PDCD11: variants seen among roughly 807,000 people sequenced by gnomAD.
PDCD11 encodes the protein protein RRP5 homolog.
PDCD11 carries 97 observed loss-of-function variants against 198.9 expected under a neutral mutation model. The observed-to-expected ratio is 0.49, with a 90% CI of 0.41 to 0.58. PDCD11 has a LOEUF of 0.58. PDCD11 is among the 20% of genes least tolerant of loss of function. The pLI is 0.00. For synonymous variants in PDCD11, 893 were observed against 918.0 expected, an observed-to-expected ratio of 0.97 and a Z score of 0.49; for missense variants, 2,102 against 2,312.7, an observed-to-expected ratio of 0.91 and a Z score of 1.87.
At chr10:103,434,648 G>GTGAT (rs2032074449) in intron 24 of PDCD11, 150 bp from the exon 25 acceptor site, 2 of 631,970 alleles carry the variant, frequency 3.2e-6, no homozygotes, top group Non-Finnish European at 5.4e-6. Context: ...ACATGGCAGG[G>GTGAT]TGATCTCAGT....
In PDCD11 at chr10:103,425,457, T is replaced by C. The variant is rs1316329692; in HGVS notation, c.3237T>C (p.Thr1079=). 1.2e-6 allele frequency: 2 copies of C among 1,613,898 alleles called. No individual in the cohort carries two copies. The highest frequency in any genetic ancestry group is 1.1e-5 in the South Asian group (1 of 91,074). Residue 1079 remains threonine (T), a synonymous_variant, in exon 20 of 36, where the codon ACT becomes ACC. Transcript: ENST00000369797. The part of the protein sequence containing the change: ...LDDVPEGTSP[T]TKLKVGKTVT... ...ATGTTCCAGAGGGCACCTCTCCTAC[T>C]ACCAAGCTGAAGGTTGGGAAGACGG...
At chr10:103,404,420 T>A (rs1246314120) in intron 4 of PDCD11, among the ~76,000 whole-genome samples, 1 of 152,044 alleles carries the variant, frequency 6.6e-6, no homozygotes, top group Non-Finnish European at 1.5e-5. Flanking sequence ...TGCCTCAGCC[T>A]CCTGAGTAGC....
At chr10:103,424,009 A>G (rs960969026) in intron 19 of PDCD11, among the ~76,000 whole-genome samples, 10 of 152,188 alleles carry the variant, frequency 6.6e-5, no homozygotes, top group African/African-American at 1.7e-4. Flanking sequence ...GTCCCGCCCA[A>G]TTGTTGCCGG....
chr10:103,439,759 G>A lies in PDCD11; in HGVS notation c.4039G>A (p.Val1347Ile). The change falls in exon 28 of 36, where the codon GTT (valine) becomes ATT (isoleucine). Residue 1347 changes from valine (V) to isoleucine (I), a missense_variant. By Grantham distance (29) the Val-to-Ile change is conservative (BLOSUM62 3). Transcript: ENST00000369797. Reference sequence around the variant, plus strand: ...CTCTCCTTTCAGCCTTGGCCCCTCCGTTGTGGGTTTGGCTCGGTACTCCCA... The same window carrying A: ...CTCTCCTTTCAGCCTTGGCCCCTCCATTGTGGGTTTGGCTCGGTACTCCCA... ...HGVFFRLGPS[V>I]VGLARYSHVS... 5.0e-6 allele frequency: 8 copies of A among 1,614,080 alleles called. No individual in the cohort carries two copies. Among genetic ancestry groups the A allele is most frequent in the South Asian group, 1.1e-5 (1 of 91,066 alleles).
At chr10:103,405,286 C>T in intron 5 of PDCD11, 103 bp downstream of exon 5, 1 of 1,119,830 alleles carries the variant, frequency 8.9e-7, no homozygotes, top group Non-Finnish European at 1.3e-6. Flanking sequence ...AATTGTGACA[C>T]ATAGGAGTGG....
chr10:103,432,008 G>T, intron 21 of PDCD11, 121 bp from the exon 22 acceptor site: 1 of 710,472 alleles, frequency 1.4e-6, no homozygotes. Flanking sequence ...CGGCCTTGGA[G>T]GGTGAGTATG....
At chr10:103,414,439 A>T (rs1483417528) in intron 11 of PDCD11, 109 bp downstream of exon 11, 14 of 727,036 alleles carry the variant, frequency 1.9e-5, no homozygotes, top group Admixed American at 1.6e-4. Flanking sequence ...ATTGAATGTC[A>T]TGTTCCTTGC....
At chr10:103,409,644 C>T in intron 7 of PDCD11, 55 bp from the exon 8 acceptor site, 1 of 1,228,028 alleles carries the variant, frequency 8.1e-7, no homozygotes, top group South Asian at 1.2e-5. Flanking sequence ...CAATGTCTCA[C>T]ATTCCTGGTT....
At chr10:103,445,176 CA>C (rs1451633310) in intron 35 of PDCD11, among the ~76,000 whole-genome samples, 1 of 152,164 alleles carries the variant, frequency 6.6e-6, no homozygotes, top group Admixed American at 6.5e-5. Context: ...TCCATCTGCT[CA>C]TCTGGAAGAT....
rs375024168 is a variant in PDCD11 at position 103,440,279 on chromosome 10, C to T, written c.4149-11C>T. ...ATGATGTCTTTACCTCCCCATCTTGCTCTGTCATAGCCTTAACCACCAGAA... is the reference window on the plus strand; with the variant it reads ...ATGATGTCTTTACCTCCCCATCTTGTTCTGTCATAGCCTTAACCACCAGAA... On this transcript the variant is annotated splice_polypyrimidine_tract_variant and intron_variant, in intron 28 of 35. Transcript: ENST00000369797. The T allele has an allele frequency of 1.5e-5, 24 of 1,600,962 alleles. No homozygotes were observed. The African/African-American group carries it at 3.0e-4, about 20-fold the overall frequency.
At chr10:103,398,576 A>C (rs777799533) in intron 2 of PDCD11, 48 bp downstream of exon 2, 29 of 1,214,880 alleles carry the variant, frequency 2.4e-5, no homozygotes, top group Non-Finnish European at 3.4e-5. Flanking sequence ...CTTTTACTGT[A>C]GTGTCTTGTG....
intron 25 of PDCD11, among the ~76,000 whole-genome samples, chr10:103,437,405 A>T (rs112285991): frequency 6.6e-6 from 1 of 152,236 alleles, no homozygotes; most frequent in African/African-American, 2.4e-5. Context: ...CGGCCTCCCA[A>T]AGTGTTGAGA....
At chr10:103,400,846 C>T (rs2029997544) in intron 3 of PDCD11, among the ~76,000 whole-genome samples, 1 of 152,128 alleles carries the variant, frequency 6.6e-6, no homozygotes. Flanking sequence ...AACTCCTGGG[C>T]TCAAGCAATC....
chr10:103,442,353 C>G lies in PDCD11; in HGVS notation c.4848C>G (p.Pro1616=). The G allele has an allele frequency of 6.2e-7, 1 of 1,614,236 alleles. No homozygotes were observed. Among genetic ancestry groups the G allele is most frequent in the Non-Finnish European group, 8.5e-7 (1 of 1,180,042 alleles). Residue 1616 remains proline (P), a synonymous_variant, in exon 32 of 36, where the codon CCC becomes CCG. Transcript: ENST00000369797. ...TTGACCGACTGGTGCTGAGCTCCCC[C>G]AACAGCTCCATTCTGTGGCTGCAGT... ...DDFDRLVLSS[P]NSSILWLQYM...
At chr10:103,440,630 C>T (rs1592142122) in intron 29 of PDCD11, 49 bp downstream of exon 29, 3 of 1,609,430 alleles carry the variant, frequency 1.9e-6, no homozygotes. Context: ...CCTGGAGGGA[C>T]AGCCATGAGG....
Position 103,421,500 on chromosome 10 carries a change from C to T in PDCD11, c.2430C>T (p.Thr810=). 3.8e-6 allele frequency: 6 copies of T among 1,591,804 alleles called. No homozygotes were observed. The highest frequency in any genetic ancestry group is 5.1e-6 in the Non-Finnish European group (6 of 1,168,812). ...GTGGTCTGGGGGACTTGGCTATCAC[C>T]AGCCTCCTCCTCCTGAATCAGTGCC... ...SDCGLGDLAI[T]SLLLLNQCLE... Residue 810 remains threonine, a synonymous_variant, in exon 17 of 36, where the codon ACC becomes ACT. Transcript: ENST00000369797.
At chr10:103,398,204 A>G (rs907079738) in intron 1 of PDCD11, among the ~76,000 whole-genome samples, 1 of 152,208 alleles carries the variant, frequency 6.6e-6, no homozygotes, top group Non-Finnish European at 1.5e-5. Context: ...TTTTTCTGGA[A>G]GAAGGTGGGT....
rs779218705 is a variant in PDCD11 at position 103,406,679 on chromosome 10, TAGTC to T, written c.760_763del (p.Ser254CysfsTer37). 3 of 1,614,172 alleles carry T rather than the reference TAGTC, an allele frequency of 1.9e-6. No individual in the cohort carries two copies. The highest frequency in any genetic ancestry group is 1.7e-5 in the Admixed American group (1 of 60,024). ...AGGTGAAAGGCAACGGAGGAGTTGT[TAGTC>T]TGTCTGTTGGTCACTCAGAGGTTTC... On this transcript the variant is annotated frameshift_variant, in exon 7 of 36. Transcript: ENST00000369797. LOFTEE classifies it high-confidence loss of function.
At chr10:103,406,207 C>T in intron 6 of PDCD11, 99 bp downstream of exon 6, 2 of 1,397,444 alleles carry the variant, frequency 1.4e-6, no homozygotes, top group Non-Finnish European at 2.0e-6. Flanking sequence ...AGAATGGTGA[C>T]CCTGAAGGTG....
Sources: gnomAD v4.1 joint callset for allele counts (sites outside exome capture counted in the v4.1 genomes callset) on GRCh38, gnomAD v4.1.1 for gene constraint, MANE v1.5 for transcripts, NCBI Gene and HGNC (gene_info 2026-07-23, HGNC 2026-07-21) for gene names.